ZFR: variants seen among roughly 807,000 people sequenced by gnomAD.
ZFR encodes the protein zinc finger RNA binding protein.
In ZFR, 19 loss-of-function variants were observed where a neutral mutation model predicts 130.7. The observed-to-expected ratio is 0.15, with a 90% CI of 0.10 to 0.21. ZFR has a LOEUF of 0.21. Among genes scored for constraint, ZFR ranks in the 10% least tolerant of loss-of-function variants. The pLI is 1.00. For synonymous variants in ZFR, 466 were observed against 456.9 expected, an observed-to-expected ratio of 1.02 and a Z score of -0.25; for missense variants, 872 against 1,321.5, an observed-to-expected ratio of 0.66 and a Z score of 5.27.
At chr5:32,418,949 T>A (rs983459152) in intron 3 of ZFR, among the ~76,000 whole-genome samples, 1 of 152,116 alleles carries the variant, frequency 6.6e-6, no homozygotes, top group Non-Finnish European at 1.5e-5. Flanking sequence ...TAAGACTGAG[T>A]AAGAGGCAAC....
At chr5:32,429,033 T>G (rs1196223076) in intron 2 of ZFR, among the ~76,000 whole-genome samples, 1 of 140,886 alleles carries the variant, frequency 7.1e-6, no homozygotes, top group Non-Finnish European at 1.5e-5. Context: ...TCGCCCAGGC[T>G]GGAGTGCAGT....
intron 5 of ZFR, among the ~76,000 whole-genome samples, chr5:32,413,067 T>G (rs1753745403): frequency 6.6e-6 from 1 of 152,038 alleles, no homozygotes; most frequent in African/African-American, 2.4e-5. Flanking sequence ...CGCACGCTTG[T>G]AGTCCCGGCT....
intron 19 of ZFR, among the ~76,000 whole-genome samples, chr5:32,359,786 TA>T (rs1561854614): frequency 6.6e-6 from 1 of 151,990 alleles, no homozygotes; most frequent in East Asian, 1.9e-4. Flanking sequence ...CCGTCTCTAC[TA>T]AAAATACAAA....
At position 32,366,889 on chromosome 5, in the gene ZFR, T is replaced by C. The variant is rs566231105; in HGVS notation, c.2836-2614A>G. ...CTTTAAAAGATTTTTTAATTTTTTT[T>C]TTTTTTTTTACAGACAGGCCCTCGC... On this transcript the variant is annotated intron_variant, in intron 17 of 19. Transcript: ENST00000265069. 2.0e-5 allele frequency among the ~76,000 whole-genome samples: 3 copies of C among 151,626 alleles called. No homozygotes were observed. The East Asian group carries it at 5.8e-4, about 29-fold the overall frequency.
chr5:32,444,205 A>T, intron 2 of ZFR, 24 bp downstream of exon 2: 5 of 1,594,182 alleles, frequency 3.1e-6, no homozygotes, highest in Non-Finnish European at 4.3e-6. Context: ...AGGGGCGAAC[A>T]GAGAGAAGGC....
At chr5:32,372,390 G>A (rs1752691779) in intron 17 of ZFR, among the ~76,000 whole-genome samples, 1 of 152,106 alleles carries the variant, frequency 6.6e-6, no homozygotes, top group Non-Finnish European at 1.5e-5. Flanking sequence ...GTATGTGTGA[G>A]GGCAGGGGAT....
Position 32,438,854 on chromosome 5 carries a change from G to T in ZFR, c.137+5375C>A, listed in dbSNP as rs934775525. Among the ~76,000 whole-genome samples the T allele has an allele frequency of 3.3e-4, 51 of 152,240 alleles. 1 individual carries two copies. The highest frequency in any genetic ancestry group is 2.4e-3 in the Admixed American group (37 of 15,286). On this transcript the variant is annotated intron_variant, in intron 2 of 19. Transcript: ENST00000265069. ...ATGCCTATTGATAATCAGGCACTAGGCTAGAAAATTTTATATTTAAACTTC... is the reference window on the plus strand; with the variant it reads ...ATGCCTATTGATAATCAGGCACTAGTCTAGAAAATTTTATATTTAAACTTC...
In ZFR at chr5:32,388,378, A is replaced by G. The variant is rs911190807; in HGVS notation, c.2348+91T>C. 3 of 1,212,298 alleles carry G rather than the reference A, an allele frequency of 2.5e-6. No homozygotes were observed. In the African/African-American group the frequency reaches 4.5e-5, roughly 18 times the overall value. The allele number at this position is 1,212,298 out of a possible 1,614,324, so 75.1% of individuals were successfully genotyped here. The stretch of plus-strand genomic sequence containing the variant: ...GGTTAAAACACATAGAACTCACACC[A>G]GAGTTACCAGTCATAAGCTATATTT... On this transcript the variant is annotated intron_variant, in intron 13 of 19. Coordinates refer to ENST00000265069, the MANE Select transcript of ZFR (RefSeq NM_016107.5).
chr5:32,378,960 A>C (rs1752883626), intron 17 of ZFR, among the ~76,000 whole-genome samples, 155 bp downstream of exon 17: 1 of 152,208 alleles, frequency 6.6e-6, no homozygotes, highest in African/African-American at 2.4e-5. Flanking sequence ...GAGAAAATTA[A>C]ACATTCTAAG....
rs189111271 is a variant in ZFR at position 32,390,244 on chromosome 5, C to T, written c.2142+31G>A. On this transcript the variant is annotated intron_variant, in intron 12 of 19. Transcript: ENST00000265069. ...TCTAATGCTGAACCAGTCAAACTTT[C>T]ACCCCTTGTATCACCAACGTGGACA... The T allele has an allele frequency of 8.3e-5, 133 of 1,592,928 alleles. 1 individual carries two copies. In the African/African-American group the frequency reaches 1.6e-3, roughly 19 times the overall value.
intron 2 of ZFR, among the ~76,000 whole-genome samples, chr5:32,430,079 CAAAAAA>C (rs56163955): frequency 3.7e-4 from 26 of 70,314 alleles, no homozygotes; most frequent in African/African-American, 1.4e-3. Flanking sequence ...GACCCTATTT[CAAAAAA>C]AAAAAAAAAA....
At chr5:32,367,290 C>G (rs1266608358) in intron 17 of ZFR, among the ~76,000 whole-genome samples, 2 of 151,910 alleles carry the variant, frequency 1.3e-5, no homozygotes, top group East Asian at 3.9e-4. Flanking sequence ...AAAAAATTAG[C>G]CGGGTGTGGT....
At chr5:32,438,464 T>C (rs1054901245) in intron 2 of ZFR, among the ~76,000 whole-genome samples, 1 of 152,026 alleles carries the variant, frequency 6.6e-6, no homozygotes, top group African/African-American at 2.4e-5. Context: ...GGTTTCTCCA[T>C]GTTGGTCAGG....
At chr5:32,444,153 C>G in intron 2 of ZFR, 76 bp downstream of exon 2, 1 of 1,502,860 alleles carries the variant, frequency 6.7e-7, no homozygotes, top group Non-Finnish European at 8.9e-7. Context: ...GGGACGGGCG[C>G]GGGGGCGTCG....
intron 2 of ZFR, among the ~76,000 whole-genome samples, chr5:32,427,928 C>G (rs1006414337): frequency 6.6e-6 from 1 of 152,128 alleles, no homozygotes; most frequent in African/African-American, 2.4e-5. Flanking sequence ...AGGAAAAAAG[C>G]TGGAGCTTCA....
chr5:32,413,658 A>G (rs934215808), intron 5 of ZFR, among the ~76,000 whole-genome samples: 4 of 152,178 alleles, frequency 2.6e-5, no homozygotes, highest in African/African-American at 9.6e-5. Flanking sequence ...ATTTTGTTGA[A>G]GCTAATGTGG....
chr5:32,393,345 ATTT>A (rs199542795), intron 11 of ZFR, among the ~76,000 whole-genome samples: 1 of 146,044 alleles, frequency 6.8e-6, no homozygotes, highest in African/African-American at 2.5e-5. Context: ...TTAGTTTTAA[ATTT>A]TTTTTTTTTT....
At chr5:32,369,135 T>C (rs1752606667) in intron 17 of ZFR, among the ~76,000 whole-genome samples, 1 of 152,362 alleles carries the variant, frequency 6.6e-6, no homozygotes, top group African/African-American at 2.4e-5. Flanking sequence ...GGGGTGTGCA[T>C]ACAGTTAAAT....
intron 17 of ZFR, among the ~76,000 whole-genome samples, chr5:32,376,869 C>T (rs1752824568): frequency 6.6e-6 from 1 of 151,622 alleles, no homozygotes; most frequent in Admixed American, 6.6e-5. Flanking sequence ...ATCCCAGCTA[C>T]TTGGAAAACG....
Sources: gnomAD v4.1 joint callset for allele counts (sites outside exome capture counted in the v4.1 genomes callset) on GRCh38, gnomAD v4.1.1 for gene constraint, MANE v1.5 for transcripts, NCBI Gene and HGNC (gene_info 2026-07-23, HGNC 2026-07-21) for gene names.